RAD51C: variants seen among roughly 807,000 people sequenced by gnomAD.
The protein encoded by RAD51C is DNA repair protein RAD51 homolog 3.
RAD51C carries 42 observed loss-of-function variants against 45.0 expected under a neutral mutation model. The ratio of observed to expected loss-of-function variants is 0.93; its 90% CI spans 0.73 to 1.21. RAD51C has a LOEUF of 1.21. RAD51C is among the 50% of genes most tolerant of loss of function. RAD51C has a pLI of 0.00. For missense variants in RAD51C, 474 were observed against 452.2 expected, an observed-to-expected ratio of 1.05 and a Z score of -0.44; for synonymous variants, 172 against 159.8, an observed-to-expected ratio of 1.08 and a Z score of -0.58.
intron 3 of RAD51C, chr17:58,700,239 T>G (rs888451597): frequency 6.6e-6 from 1 of 152,140 alleles, no homozygotes; most frequent in Non-Finnish European, 1.5e-5. Flanking sequence ...AATAAACTCT[T>G]TCTCTTGTTA....
At chr17:58,716,577 C>G (rs1254353806) in intron 5 of RAD51C, among the ~76,000 whole-genome samples, 1 of 151,196 alleles carries the variant, frequency 6.6e-6, no homozygotes, top group Non-Finnish European at 1.5e-5. Context: ...ATTCTCCTCC[C>G]TCAGCCTCCC....
chr17:58,711,390 G>A (rs1179088506), intron 5 of RAD51C, among the ~76,000 whole-genome samples: 1 of 152,092 alleles, frequency 6.6e-6, no homozygotes. Context: ...TCAGTTTAGA[G>A]AAAACTTATA....
chr17:58,696,648 A>G (rs2143741773), intron 2 of RAD51C, 45 bp from the exon 3 acceptor site: 1 of 1,612,848 alleles, frequency 6.2e-7, no homozygotes, highest in South Asian at 1.1e-5. Flanking sequence ...ACACTACCTT[A>G]GATCATCATC....
chr17:58,732,313 G>T, intron 7 of RAD51C, 171 bp from the exon 8 acceptor site: 4 of 589,094 alleles, frequency 6.8e-6, no homozygotes, highest in South Asian at 6.8e-5. Context: ...TATACATACG[G>T]GTAATTTGAA....
intron 4 of RAD51C, among the ~76,000 whole-genome samples, chr17:58,707,952 C>G (rs2048428270): frequency 6.6e-6 from 1 of 152,120 alleles, no homozygotes; most frequent in African/African-American, 2.4e-5. Flanking sequence ...CTAATCCTCT[C>G]AAATCAGGAT....
chr17:58,693,236 A>G (rs565236100), intron 1 of RAD51C: 1 of 193,180 alleles, frequency 5.2e-6, no homozygotes, highest in East Asian at 1.5e-4. Flanking sequence ...GATTTTGTGT[A>G]GGACTAGAGA....
chr17:58,705,450 C>T (rs1306685276), intron 4 of RAD51C, among the ~76,000 whole-genome samples: 1 of 152,032 alleles, frequency 6.6e-6, no homozygotes, highest in Non-Finnish European at 1.5e-5. Flanking sequence ...TCTCCTGCCT[C>T]AGCCTCCAGA....
At chr17:58,726,315 C>T (rs1298000032) in intron 7 of RAD51C, among the ~76,000 whole-genome samples, 1 of 150,330 alleles carries the variant, frequency 6.7e-6, no homozygotes, top group Non-Finnish European at 1.5e-5. Flanking sequence ...ATAATAGCTA[C>T]TATTTATTGA....
At position 58,709,937 on chromosome 17, in the gene RAD51C, T is replaced by G. The variant is rs149331537; in HGVS notation, c.784T>G (p.Leu262Val). 1.1e-4 allele frequency: 182 copies of G among 1,612,926 alleles called. No homozygotes were observed. Among genetic ancestry groups the G allele is most frequent in the Non-Finnish European group, 1.4e-4 (167 of 1,179,054 alleles). ...TGACCTGTCTCTTCGTACTCGGTTA[T>G]TAAATGGCCTAGCCCAGCAAATGAT... is the stretch of plus-strand genomic sequence containing the variant. Reference protein sequence around the residue: ...LDDLSLRTRLLNGLAQQMISL... With the variant: ...LDDLSLRTRLVNGLAQQMISL... The change falls in exon 5 of 9, where the codon TTA becomes GTA. Residue 262 changes from leucine to valine, a missense_variant. Coordinates refer to ENST00000337432, the MANE Select transcript of RAD51C (RefSeq NM_058216.3).
chr17:58,721,759 C>CA (rs113841051), intron 6 of RAD51C, among the ~76,000 whole-genome samples: 1,614 of 132,902 alleles, frequency 0.012, 28 homozygotes, highest in African/African-American at 0.037. Flanking sequence ...AACTCTGTCT[C>CA]AAAAAAAAAA....
Position 58,695,174 on chromosome 17 carries a change from G to A in RAD51C, c.389G>A (p.Gly130Glu). ...TTEICGAPGV[G>E]KTQLCMQLAV... ...GAAATTTGTGGTGCACCAGGTGTTG[G>A]AAAAACACAATTATGGTAAAATAAA... Residue 130 changes from glycine to glutamate, a missense_variant, in exon 2 of 9, where the codon GGA (glycine) becomes GAA (glutamate). By Grantham distance (98) the Gly-to-Glu change is moderately conservative. Transcript: ENST00000337432. 1 of 1,611,256 alleles carries A rather than the reference G, an allele frequency of 6.2e-7. No individual in the cohort carries two copies. The highest frequency in any genetic ancestry group is 8.5e-7 in the Non-Finnish European group (1 of 1,178,444).
intron 1 of RAD51C, chr17:58,693,657 C>A (rs2047883630): frequency 6.6e-6 from 1 of 151,954 alleles, no homozygotes; most frequent in African/African-American, 2.4e-5. Flanking sequence ...AAATGTGAGA[C>A]CCTGAATAAT....
At chr17:58,705,313 G>C (rs1351194971) in intron 4 of RAD51C, among the ~76,000 whole-genome samples, 1 of 150,904 alleles carries the variant, frequency 6.6e-6, no homozygotes, top group African/African-American at 2.4e-5. Context: ...AAGAAGGAGA[G>C]AGTGAATTCC....
Position 58,710,611 on chromosome 17 carries a change from A to G in RAD51C, c.837+621A>G, listed in dbSNP as rs17822896. On this transcript the variant is annotated intron_variant, in intron 5 of 8. Coordinates refer to ENST00000337432, the MANE Select transcript of RAD51C (RefSeq NM_058216.3). ...TGTTTTTCAGGTTAACTCTTCCAAC[A>G]TCCCTGGTTTTCTTCTCCTTTGAGT... Among the ~76,000 whole-genome samples, 1,358 of 152,074 alleles carry G rather than the reference A, an allele frequency of 8.9e-3. 54 individuals are homozygous for G. Among genetic ancestry groups the G allele is most frequent in the Admixed American group, 0.067 (1,028 of 15,242 alleles).
At chr17:58,727,070 T>C (rs1460350844) in intron 7 of RAD51C, among the ~76,000 whole-genome samples, 2 of 151,968 alleles carry the variant, frequency 1.3e-5, no homozygotes, top group Non-Finnish European at 2.9e-5. Flanking sequence ...TCCACCCGCC[T>C]CGGCCTCCCA....
chr17:58,732,218 T>C (rs2049455532), intron 7 of RAD51C: 1 of 354,172 alleles, frequency 2.8e-6, no homozygotes, highest in Non-Finnish European at 5.2e-6. Flanking sequence ...TTAGCATAAG[T>C]AATATCTCAT....
intron 7 of RAD51C, among the ~76,000 whole-genome samples, chr17:58,730,239 A>T (rs1340434220): frequency 7.1e-6 from 1 of 141,686 alleles, no homozygotes; most frequent in Non-Finnish European, 1.5e-5. Flanking sequence ...ATCTCGGCTC[A>T]CTGCAACCTC....
In RAD51C at chr17:58,708,703, G is replaced by GA. The variant is rs929425477; in HGVS notation, c.706-1156_706-1155insA. On this transcript the variant is annotated intron_variant, in intron 4 of 8. Coordinates refer to ENST00000337432, the MANE Select transcript of RAD51C (RefSeq NM_058216.3). ...ACTTCACTGTTTATTTTTTGCTTTG[G>GA]GGGGGGCTTTCTTTTGAAAGGGTTT... Among the ~76,000 whole-genome samples the GA allele has an allele frequency of 5.3e-5, 8 of 151,230 alleles. No homozygotes were observed. In the South Asian group the frequency reaches 1.7e-3, roughly 32 times the overall value.
Position 58,692,640 on chromosome 17 carries a change from T to A in RAD51C, c.-4T>A, listed in dbSNP as rs1555591741. On this transcript the variant is annotated 5_prime_UTR_variant, in exon 1 of 9. Coordinates refer to ENST00000337432, the MANE Select transcript of RAD51C (RefSeq NM_058216.3). The stretch of plus-strand genomic sequence containing the variant: ...CTGCTCCGGGGTTAGCAGGTGAGCC[T>A]GCGATGCGCGGGAAGACGTTCCGCT... The A allele has an allele frequency of 6.2e-7, 1 of 1,614,072 alleles. No individual in the cohort carries two copies. Among genetic ancestry groups the A allele is most frequent in the Non-Finnish European group, 8.5e-7 (1 of 1,180,018 alleles).
Sources: gnomAD v4.1 joint callset for allele counts (sites outside exome capture counted in the v4.1 genomes callset) on GRCh38, gnomAD v4.1.1 for gene constraint, MANE v1.5 for transcripts, NCBI Gene and HGNC (gene_info 2026-07-23, HGNC 2026-07-21) for gene names.